NRG3: variants seen among roughly 807,000 people sequenced by gnomAD.
The protein encoded by NRG3 is pro-neuregulin-3, membrane-bound isoform.
Under a neutral mutation model 66.9 loss-of-function variants are expected in NRG3, and 31 were observed. The ratio of observed to expected loss-of-function variants is 0.46; its 90% CI spans 0.35 to 0.63. The LOEUF (loss-of-function observed/expected upper bound fraction) is 0.63. Among genes scored for constraint, NRG3 ranks in the 20% least tolerant of loss-of-function variants. The pLI is 0.00. For synonymous variants in NRG3, 393 were observed against 359.4 expected (o/e 1.09, Z -1.06); for missense variants, 910 against 878.9 (o/e 1.04, Z -0.45).
intron 4 of NRG3, among the ~76,000 whole-genome samples, chr10:82,922,513 C>T (rs1333318471): frequency 6.6e-6 from 1 of 152,078 alleles, no homozygotes; most frequent in Non-Finnish European, 1.5e-5. Flanking sequence ...AGTTACAGGT[C>T]CTGTATATCA....
intron 1 of NRG3, among the ~76,000 whole-genome samples, chr10:82,057,037 G>A (rs986737255): frequency 6.6e-5 from 10 of 151,954 alleles, no homozygotes; most frequent in African/African-American, 2.2e-4. Context: ...AATAATCATT[G>A]TCTTTATTTT....
At chr10:82,012,958 C>G (rs1335580234) in intron 1 of NRG3, among the ~76,000 whole-genome samples, 1 of 152,216 alleles carries the variant, frequency 6.6e-6, no homozygotes, top group Non-Finnish European at 1.5e-5. Flanking sequence ...GCCAACTAAA[C>G]TGTTCCAAAC....
chr10:82,755,336 T>C (rs2059033715), intron 3 of NRG3, among the ~76,000 whole-genome samples: 1 of 152,258 alleles, frequency 6.6e-6, no homozygotes, highest in African/African-American at 2.4e-5. Context: ...AGTAATCTCA[T>C]AGTAATTTGT....
intron 1 of NRG3, among the ~76,000 whole-genome samples, chr10:82,157,149 C>G (rs1454878549): frequency 1.3e-5 from 2 of 151,546 alleles, no homozygotes; most frequent in Non-Finnish European, 3.0e-5. Context: ...ACTGAGTTTA[C>G]AGGGAAATGA....
intron 3 of NRG3, among the ~76,000 whole-genome samples, chr10:82,757,744 A>C (rs1213363626): frequency 6.6e-6 from 1 of 152,048 alleles, no homozygotes. Flanking sequence ...TGAATAATTG[A>C]GAAACGAAAG....
chr10:82,893,082 A>C (rs1012390866), intron 4 of NRG3, among the ~76,000 whole-genome samples: 2 of 152,204 alleles, frequency 1.3e-5, no homozygotes, highest in African/African-American at 4.8e-5. Context: ...AATTTAAAAG[A>C]TTATGTATGA....
chr10:82,226,182 A>G (rs538640208), intron 1 of NRG3, among the ~76,000 whole-genome samples: 1 of 152,146 alleles, frequency 6.6e-6, no homozygotes, highest in Non-Finnish European at 1.5e-5. Flanking sequence ...AGGAGAAGCA[A>G]TTACTCCTGG....
chr10:82,426,883 T>G (rs1456207722), intron 2 of NRG3, among the ~76,000 whole-genome samples: 2 of 152,058 alleles, frequency 1.3e-5, no homozygotes. Flanking sequence ...ACTCCTGGGT[T>G]CAAGCAATTC....
rs190184800 is a variant in NRG3, at chr10:82,594,987, A to T, written c.954-143590A>T. ...CTTTTTTTCATTTTCCTTTTTATTTATTTATTTTTATTTTTTAGAGATGGG... is the reference window on the plus strand; with the variant it reads ...CTTTTTTTCATTTTCCTTTTTATTTTTTTATTTTTATTTTTTAGAGATGGG... On this transcript the variant is annotated intron_variant, in intron 2 of 8. Coordinates refer to ENST00000372141, the MANE Select transcript of NRG3 (RefSeq NM_001010848.4). Among the ~76,000 whole-genome samples, 710 of 151,378 alleles carry T rather than the reference A, an allele frequency of 4.7e-3. 10 individuals are homozygous for T. Among genetic ancestry groups the T allele is most frequent in the African/African-American group, 0.017 (684 of 41,200 alleles).
intron 1 of NRG3, among the ~76,000 whole-genome samples, chr10:81,940,409 A>G (rs1848305841): frequency 6.6e-6 from 1 of 152,064 alleles, no homozygotes; most frequent in African/African-American, 2.4e-5. Flanking sequence ...TACAATACAT[A>G]ATCATAGCTC....
intron 2 of NRG3, among the ~76,000 whole-genome samples, chr10:82,468,091 T>C (rs1416320562): frequency 6.6e-6 from 1 of 152,206 alleles, no homozygotes; most frequent in Non-Finnish European, 1.5e-5. Context: ...AGTATTAGTG[T>C]CCTCTTTATA....
chr10:82,377,475 T>C (rs1452513268), intron 2 of NRG3, among the ~76,000 whole-genome samples: 6 of 147,964 alleles, frequency 4.1e-5, no homozygotes, highest in Non-Finnish European at 5.9e-5. Flanking sequence ...CGCACATGCG[T>C]GAGTTCATCA....
At chr10:82,120,995 C>T (rs547901245) in intron 1 of NRG3, among the ~76,000 whole-genome samples, 8 of 152,124 alleles carry the variant, frequency 5.3e-5, no homozygotes, top group Non-Finnish European at 8.8e-5. Context: ...TGAAGCAGTA[C>T]GATCAAAATC....
In NRG3 at chr10:82,985,517, TC is replaced by T. The variant is rs1218205787; in HGVS notation, c.2008del (p.Leu670Ter). The T allele has an allele frequency of 1.2e-6, 2 of 1,613,856 alleles. No individual in the cohort carries two copies. Among genetic ancestry groups the T allele is most frequent in the Non-Finnish European group, 1.7e-6 (2 of 1,179,948 alleles). ...EDSASENTAF[L>X]PLSPTAKSER... ...AGTGCAAGCGAAAACACAGCCTTTC[TC>T]CCCCTGAGTCCCACAGCCAAATCAG... On this transcript the variant is annotated frameshift_variant, in exon 9 of 9. Coordinates refer to ENST00000372141, the MANE Select transcript of NRG3 (RefSeq NM_001010848.4). LOFTEE classifies it high-confidence loss of function.
At chr10:82,023,781 A>G (rs2062166831) in intron 1 of NRG3, among the ~76,000 whole-genome samples, 1 of 151,982 alleles carries the variant, frequency 6.6e-6, no homozygotes, top group Non-Finnish European at 1.5e-5. Context: ...TTTTGCATCC[A>G]TGTCCATCAG....
intron 1 of NRG3, among the ~76,000 whole-genome samples, chr10:82,144,883 C>T (rs1201293110): frequency 1.3e-5 from 2 of 152,196 alleles, no homozygotes; most frequent in African/African-American, 2.4e-5. Context: ...TAAGACAAAG[C>T]TGGCTTATGA....
intron 1 of NRG3, among the ~76,000 whole-genome samples, chr10:81,918,811 A>G (rs1845945478): frequency 6.6e-6 from 1 of 151,180 alleles, no homozygotes; most frequent in Admixed American, 6.6e-5. Context: ...TACTACTAGG[A>G]TTTTTGCAAA....
chr10:82,231,623 C>T (rs1171591172), intron 1 of NRG3, among the ~76,000 whole-genome samples: 1 of 152,140 alleles, frequency 6.6e-6, no homozygotes, highest in Non-Finnish European at 1.5e-5. Context: ...GAATGGATAT[C>T]TGTGCATCAC....
intron 2 of NRG3, among the ~76,000 whole-genome samples, chr10:82,441,330 G>A (rs528359635): frequency 4.6e-5 from 7 of 152,324 alleles, no homozygotes; most frequent in East Asian, 3.9e-4. Context: ...TGTTTTGGTA[G>A]CAGATTTCTG....
Sources: allele counts gnomAD v4.1 joint callset (sites outside exome capture counted in the v4.1 genomes callset), GRCh38; gene constraint gnomAD v4.1.1; transcripts MANE v1.5; gene names NCBI Gene and HGNC (gene_info 2026-07-23, HGNC 2026-07-21).